Variants in GNRH1 observed in about 807,000 individuals in gnomAD.
GNRH1 encodes the protein gonadotropin releasing hormone 1.
A neutral mutation model predicts 13.6 loss-of-function variants in GNRH1; 9 were observed. The ratio of observed to expected loss-of-function variants is 0.66; its 90% confidence interval spans 0.40 to 1.15. The LOEUF (loss-of-function observed/expected upper bound fraction) is 1.15, where lower values mean the gene tolerates loss of function less well. GNRH1 is among the 50% of genes most tolerant of loss of function. The probability of loss-of-function intolerance (pLI) is 0.01; values close to 1 mark genes in which losing one functional copy is unlikely to be tolerated. For missense variants in GNRH1, 116 were observed against 110.8 expected, an observed-to-expected ratio of 1.05 and a Z score of -0.21; for synonymous variants, 44 against 40.1, an observed-to-expected ratio of 1.10 and a Z score of -0.37.
chr8:25,422,534 C>T (rs969338102), intron 2 of GNRH1, among the ~76,000 whole-genome samples: 3 of 152,106 alleles, frequency 2.0e-5, no homozygotes, highest in Admixed American at 6.6e-5. Context: ...GATAACACAG[C>T]GAGACCCTGT....
intron 1 of GNRH1, 186 bp from the exon 2 acceptor site, chr8:25,423,517 C>T (rs1801803475): frequency 1.6e-6 from 1 of 618,260 alleles, no homozygotes; most frequent in South Asian, 1.9e-5. Flanking sequence ...GTTTCTTAGC[C>T]ACTGGGGACA....
intron 2 of GNRH1, among the ~76,000 whole-genome samples, chr8:25,421,892 A>G (rs1359536642): frequency 1.3e-5 from 2 of 152,008 alleles, no homozygotes; most frequent in Non-Finnish European, 2.9e-5. Context: ...CAGTAAGAAG[A>G]TATCATATTT....
intron 1 of GNRH1, 174 bp from the exon 2 acceptor site, chr8:25,423,505 T>C: frequency 1.6e-6 from 1 of 637,694 alleles, no homozygotes; most frequent in East Asian, 2.7e-5. Flanking sequence ...GGCTTGCCTT[T>C]AGTTTCTTAG....
Position 25,423,302 on chromosome 8 carries a change from C to A in GNRH1, c.29G>T (p.Gly10Val), listed in dbSNP as rs1445541945. 6.2e-7 allele frequency: 1 copy of A among 1,612,270 alleles called. No individual in the cohort carries two copies. Among genetic ancestry groups the A allele is most frequent in the Non-Finnish European group, 8.5e-7 (1 of 1,178,460 alleles). The part of the protein sequence containing the change: MKPIQKLLA[G>V]LILLTWCVEG... ...CACGCACCAAGTCAGTAGAATAAGG[C>A]CAGCTAGGAGTTTTTGAATTGGCTT... Residue 10 changes from glycine to valine, a missense_variant, in exon 2 of 4, where the codon GGC (glycine) becomes GTC (valine). Coordinates refer to ENST00000421054, the MANE Select transcript of GNRH1 (RefSeq NM_001083111.2).
Position 25,419,387 on chromosome 8 carries a change from T to G in GNRH1, c.*32A>C. 8.5e-7 allele frequency: 1 copy of G among 1,172,238 alleles called. No homozygotes were observed. Among genetic ancestry groups the G allele is most frequent in the South Asian group, 1.2e-5 (1 of 82,304 alleles). 72.6% of individuals were successfully genotyped at this position (1,172,238 alleles called of 1,614,324 possible). A position where few individuals can be genotyped will look rare whatever the true frequency, so the allele number is the denominator to read the frequency against. On this transcript the variant is annotated 3_prime_UTR_variant, in exon 4 of 4. Transcript: ENST00000421054. Reference sequence around the variant, plus strand: ...TGTCAGAATTATACTTAAGTCATGTTAGTAATGGTCATTCCTTCTGGCCCA... The same window carrying G: ...TGTCAGAATTATACTTAAGTCATGTGAGTAATGGTCATTCCTTCTGGCCCA...
At chr8:25,424,966 C>T (rs1045519607), upstream of GNRH1, among the ~76,000 whole-genome samples, 18 of 152,182 alleles carry the variant, frequency 1.2e-4, no homozygotes, top group African/African-American at 4.3e-4. Flanking sequence ...CAGATCAACT[C>T]ATTTCAGTAG....
At chr8:25,424,430 C>A (rs1801816723), upstream of GNRH1, 1 of 151,892 alleles carries the variant, frequency 6.6e-6, no homozygotes, top group Non-Finnish European at 1.5e-5. Context: ...TTGGAACACC[C>A]CCTGGTATAT....
At position 25,421,673 on chromosome 8, in the gene GNRH1, A is replaced by G. The variant is rs1801775529; in HGVS notation, c.142-5T>C. 2 of 1,465,190 alleles carry G rather than the reference A, an allele frequency of 1.4e-6. No individual in the cohort carries two copies. Among genetic ancestry groups the G allele is most frequent in the Non-Finnish European group, 1.9e-6 (2 of 1,046,826 alleles). The allele number at this position is 1,465,190 out of a possible 1,614,324, so 90.8% of individuals were successfully genotyped here. A position where few individuals can be genotyped will look rare whatever the true frequency, so the allele number is the denominator to read the frequency against. ...TTGACCAACCTCTTTGACTATCTGAAGAAAGAGAATGTGATGCTTTGAGAT... is the reference window on the plus strand; with the variant it reads ...TTGACCAACCTCTTTGACTATCTGAGGAAAGAGAATGTGATGCTTTGAGAT... On this transcript the variant is annotated splice_region_variant and splice_polypyrimidine_tract_variant and intron_variant, in intron 2 of 3. Coordinates refer to ENST00000421054, the MANE Select transcript of GNRH1 (RefSeq NM_001083111.2).
At position 25,419,450 on chromosome 8, in the gene GNRH1, A is replaced by T. The variant is rs1306649767; in HGVS notation, c.248T>A (p.Ile83Asn). The change falls in exon 4 of 4, where the codon ATT (isoleucine) becomes AAT (asparagine). Residue 83 changes from isoleucine to asparagine, a missense_variant. By Grantham distance (149) the Ile-to-Asn change is moderately radical. Coordinates refer to ENST00000421054, the MANE Select transcript of GNRH1 (RefSeq NM_001083111.2). Reference sequence around the variant, plus strand: ...CTTCTTCTGCCCAGTTTCCTCTTCAATCAGACTTTCCTGAAAAATATATAA... The same window carrying T: ...CTTCTTCTGCCCAGTTTCCTCTTCATTCAGACTTTCCTGAAAAATATATAA... ...RDLKGALESL[I>N]EEETGQKKI is the part of the protein sequence containing the mutation. 6.8e-7 allele frequency: 1 copy of T among 1,466,494 alleles called. No homozygotes were observed. The highest frequency in any genetic ancestry group is 1.7e-5 in the Admixed American group (1 of 59,828). 90.8% of individuals were successfully genotyped at this position (1,466,494 alleles called of 1,614,324 possible).
At chr8:25,419,498 A>T (rs1415237278) in intron 3 of GNRH1, 38 bp from the exon 4 acceptor site, 1 of 985,394 alleles carries the variant, frequency 1.0e-6, no homozygotes, top group African/African-American at 1.6e-5. Flanking sequence ...GACTGACTTT[A>T]CCAGCTGAAT....
intron 3 of GNRH1, 60 bp downstream of exon 3, chr8:25,421,513 A>G (rs1332226502): frequency 1.1e-6 from 1 of 894,688 alleles, no homozygotes; most frequent in East Asian, 2.4e-5. Flanking sequence ...AGTGATCCCC[A>G]AAGGCTTATC....
At chr8:25,422,263 T>G (rs1801783445) in intron 2 of GNRH1, among the ~76,000 whole-genome samples, 1 of 152,230 alleles carries the variant, frequency 6.6e-6, no homozygotes, top group African/African-American at 2.4e-5. Flanking sequence ...ATGACCCTGA[T>G]GAGTGGTCAT....
At chr8:25,423,479 C>T (rs886062839) in intron 1 of GNRH1, 148 bp from the exon 2 acceptor site, 6 of 691,804 alleles carry the variant, frequency 8.7e-6, no homozygotes, top group Admixed American at 4.7e-5. Context: ...GACACTGAAA[C>T]TCAGAGACAC....
At position 25,419,344 on chromosome 8, in the gene GNRH1, T is replaced by C; in HGVS notation, c.*75A>G. On this transcript the variant is annotated 3_prime_UTR_variant, in exon 4 of 4. Transcript: ENST00000421054. ...ATTCATACCATTTACAGGTATTTAATGGGTTATAAATTTTCAATGTCAGAA... is the reference window on the plus strand; with the variant it reads ...ATTCATACCATTTACAGGTATTTAACGGGTTATAAATTTTCAATGTCAGAA... 2 of 827,740 alleles carry C rather than the reference T, an allele frequency of 2.4e-6. No individual in the cohort carries two copies. Among genetic ancestry groups the C allele is most frequent in the South Asian group, 2.7e-5 (2 of 75,310 alleles). 51.3% of individuals were successfully genotyped at this position (827,740 alleles called of 1,614,324 possible).
intron 2 of GNRH1, 44 bp from the exon 3 acceptor site, chr8:25,421,712 T>G: frequency 9.8e-7 from 1 of 1,018,872 alleles, no homozygotes; most frequent in Non-Finnish European, 1.5e-6. Flanking sequence ...GATAAAGAAA[T>G]GAAATGGTGT....
chr8:25,423,908 G>T (rs1801808483), intron 1 of GNRH1: 1 of 152,480 alleles, frequency 6.6e-6, no homozygotes, highest in African/African-American at 2.4e-5. Context: ...CAGACCAGAT[G>T]CCTTCCTAGC....
chr8:25,420,278 G>A (rs1328911286), intron 3 of GNRH1, among the ~76,000 whole-genome samples: 1 of 152,034 alleles, frequency 6.6e-6, no homozygotes, highest in African/African-American at 2.4e-5. Flanking sequence ...GTCCAGTGTG[G>A]TGGCTCATGC....
At chr8:25,421,468 G>A (rs1442476259) in intron 3 of GNRH1, 105 bp downstream of exon 3, 5 of 650,106 alleles carry the variant, frequency 7.7e-6, no homozygotes, top group Non-Finnish European at 1.4e-5. Context: ...AGTCAGGAAT[G>A]TAAGCCCCAC....
intron 3 of GNRH1, among the ~76,000 whole-genome samples, chr8:25,420,699 G>A (rs1179730137): frequency 6.6e-6 from 1 of 151,982 alleles, no homozygotes; most frequent in African/African-American, 2.4e-5. Context: ...ACCAGCCTGG[G>A]CAACATAGAC....
Sources: gnomAD v4.1 joint callset for allele counts (sites outside exome capture counted in the v4.1 genomes callset) on GRCh38, gnomAD v4.1.1 for gene constraint, MANE v1.5 for transcripts, NCBI Gene and HGNC (gene_info 2026-07-23, HGNC 2026-07-21) for gene names.